Variants in GABRA2 observed in about 807,000 individuals in gnomAD.
GABRA2 encodes the protein gamma-aminobutyric acid receptor subunit alpha-2.
GABRA2 carries 16 observed loss-of-function variants against 48.7 expected under a neutral mutation model. The ratio of observed to expected loss-of-function variants is 0.33; its 90% confidence interval spans 0.22 to 0.50. The LOEUF (loss-of-function observed/expected upper bound fraction) is 0.50, where lower values mean the gene tolerates loss of function less well. Ranked by LOEUF, GABRA2 falls within the 20% of genes least tolerant of loss-of-function variation. GABRA2 has a pLI of 0.98. For missense variants in GABRA2, 275 were observed against 535.6 expected (o/e 0.51, Z 4.80); for synonymous variants, 185 against 184.5 (o/e 1.00, Z -0.02).
intron 8 of GABRA2, among the ~76,000 whole-genome samples, chr4:46,265,046 T>C (rs1276966034): frequency 8.2e-6 from 1 of 122,592 alleles, no homozygotes; most frequent in African/African-American, 2.9e-5. Context: ...GAGAGAGAGA[T>C]TGAGAGAGTC....
intron 3 of GABRA2, among the ~76,000 whole-genome samples, chr4:46,346,882 T>C (rs922592876): frequency 1.3e-5 from 2 of 151,816 alleles, no homozygotes; most frequent in African/African-American, 4.8e-5. Context: ...TAGAATGCCA[T>C]AAATAATCCA....
chr4:46,369,835 A>C (rs1338668538), intron 3 of GABRA2, among the ~76,000 whole-genome samples: 1 of 152,108 alleles, frequency 6.6e-6, no homozygotes, highest in Non-Finnish European at 1.5e-5. Context: ...GTTCCAAAGG[A>C]AATGTGTGTA....
Position 46,271,313 on chromosome 4 carries a change from G to T in GABRA2, c.857-9185C>A, listed in dbSNP as rs1320977505. Among the ~76,000 whole-genome samples the T allele has an allele frequency of 3.3e-5, 5 of 151,910 alleles. No individual in the cohort carries two copies. In the East Asian group the frequency reaches 9.7e-4, roughly 30 times the overall value. On this transcript the variant is annotated intron_variant, in intron 8 of 9. Transcript: ENST00000381620. ...AATTGAAAGGACAGAATATAACAAA[G>T]GTATGCACAAGACCAGGTTGTATAT...
Position 46,249,810 on chromosome 4 carries a change from T to G in GABRA2, c.*498A>C, listed in dbSNP as rs1714373192. On this transcript the variant is annotated 3_prime_UTR_variant, in exon 10 of 10. Coordinates refer to ENST00000381620, the MANE Select transcript of GABRA2 (RefSeq NM_000807.4). The stretch of plus-strand genomic sequence containing the variant: ...TTTCAAATCTCTAGTTTTTCTTATG[T>G]GTACCAAGCTTCCAATTACATTAGC... 1 of 153,692 alleles carries G rather than the reference T, an allele frequency of 6.5e-6. No homozygotes were observed. Among genetic ancestry groups the G allele is most frequent in the Non-Finnish European group, 1.4e-5 (1 of 69,250 alleles). The allele number at this position is 153,692 out of a possible 1,614,324, so 9.5% of individuals were successfully genotyped here.
chr4:46,361,563 A>T (rs1025211082), intron 3 of GABRA2, among the ~76,000 whole-genome samples: 2 of 152,232 alleles, frequency 1.3e-5, no homozygotes, highest in Non-Finnish European at 2.9e-5. Context: ...AACAATGAGG[A>T]AGGGAAATGT....
chr4:46,295,899 T>C lies in GABRA2; in HGVS notation c.856+7561A>G, dbSNP rs149796577. Among the ~76,000 whole-genome samples, 497 of 152,286 alleles carry C rather than the reference T, an allele frequency of 3.3e-3. 1 individual carries two copies. Among genetic ancestry groups the C allele is most frequent in the African/African-American group, 0.011 (448 of 41,562 alleles). On this transcript the variant is annotated intron_variant, in intron 8 of 9. Coordinates refer to ENST00000381620, the MANE Select transcript of GABRA2 (RefSeq NM_000807.4). ...ATCTATGGACTCATAGAATGCCTTA[T>C]CCACCATTATGGTATTCCACACAGC...
At chr4:46,389,102 G>A (rs2109392792) in intron 1 of GABRA2, 2 of 1,007,964 alleles carry the variant, frequency 2.0e-6, no homozygotes. Flanking sequence ...GGTTGGAGGG[G>A]AGGGGAGGAA....
intron 8 of GABRA2, among the ~76,000 whole-genome samples, chr4:46,283,310 ATATGAG>A (rs907918738): frequency 1.3e-5 from 2 of 152,180 alleles, no homozygotes; most frequent in African/African-American, 4.8e-5. Context: ...CTTTCCTGTA[ATATGAG>A]TATAATGACT....
chr4:46,261,678 G>A, intron 9 of GABRA2: 2 of 579,342 alleles, frequency 3.5e-6, no homozygotes, highest in Admixed American at 3.0e-5. Flanking sequence ...GAGAGCATAT[G>A]TAAAACACTT....
chr4:46,352,197 C>T (rs1735246681), intron 3 of GABRA2, among the ~76,000 whole-genome samples: 1 of 151,926 alleles, frequency 6.6e-6, no homozygotes, highest in African/African-American at 2.4e-5. Context: ...CTTTGCACTT[C>T]TTGTAATGAA....
intron 3 of GABRA2, among the ~76,000 whole-genome samples, chr4:46,355,912 T>A (rs562463091): frequency 6.6e-6 from 1 of 152,264 alleles, no homozygotes; most frequent in East Asian, 1.9e-4. Context: ...AAACAAAATG[T>A]AGTCAAAACA....
rs1560492615 is a variant in GABRA2, at chr4:46,296,679, A to AAAC, written c.856+6780_856+6781insGTT. 5.9e-5 allele frequency among the ~76,000 whole-genome samples: 9 copies of AAAC among 151,328 alleles called. No homozygotes were observed. The South Asian group carries it at 1.9e-3, about 32-fold the overall frequency. On this transcript the variant is annotated intron_variant, in intron 8 of 9. Transcript: ENST00000381620. ...GGGAAAAAAAAAAAGAAAAAAAAAA[A>AAAC]CCTGCTGAGGTGCTTGCTGAAGGCA...
chr4:46,317,534 G>A (rs1728744735), intron 4 of GABRA2, among the ~76,000 whole-genome samples: 1 of 151,762 alleles, frequency 6.6e-6, no homozygotes, highest in African/African-American at 2.4e-5. Context: ...ATGGGGTAGT[G>A]AATGCATTTG....
intron 3 of GABRA2, among the ~76,000 whole-genome samples, chr4:46,344,700 A>G (rs553922965): frequency 4.0e-5 from 6 of 151,852 alleles, no homozygotes; most frequent in Non-Finnish European, 8.8e-5. Context: ...GGCAACTACT[A>G]CACAGAAGGA....
rs901706506 is a variant in GABRA2, at chr4:46,244,622, G to C, written c.*5686C>G. Among the ~76,000 whole-genome samples, 85 of 151,506 alleles carry C rather than the reference G, an allele frequency of 5.6e-4. No individual in the cohort carries two copies. Among genetic ancestry groups the C allele is most frequent in the African/African-American group, 2.0e-3 (81 of 41,468 alleles). Reference sequence around the variant, plus strand: ...TCCTTGAAGCCCAATGGGATTAAATGTTATGAAACGAACAATATGACAAAT... The same window carrying C: ...TCCTTGAAGCCCAATGGGATTAAATCTTATGAAACGAACAATATGACAAAT... On this transcript the variant is annotated 3_prime_UTR_variant, in exon 10 of 10. Coordinates refer to ENST00000381620, the MANE Select transcript of GABRA2 (RefSeq NM_000807.4).
intron 8 of GABRA2, among the ~76,000 whole-genome samples, chr4:46,273,502 CATATATATATATAT>C (rs71637683): frequency 5.3e-3 from 256 of 48,132 alleles, no homozygotes; most frequent in Admixed American, 7.6e-3. Flanking sequence ...TATATATATG[CATATATATATATAT>C]ATATATATAT....
At chr4:46,317,167 T>A (rs769107650) in intron 4 of GABRA2, among the ~76,000 whole-genome samples, 1 of 151,770 alleles carries the variant, frequency 6.6e-6, no homozygotes, top group Non-Finnish European at 1.5e-5. Flanking sequence ...GAGTTTGAGG[T>A]CATCTGAAAT....
At position 46,347,515 on chromosome 4, in the gene GABRA2, A is replaced by G. The variant is rs145792631; in HGVS notation, c.188-14833T>C. On this transcript the variant is annotated intron_variant, in intron 3 of 9. Transcript: ENST00000381620. ...GGAAAGGACAGACTCCTCCATAAAT[A>G]ATGTTGGAAAAACTGTCTATCCACA... 2.3e-3 allele frequency among the ~76,000 whole-genome samples: 357 copies of G among 152,082 alleles called. 4 individuals carry two copies. The highest frequency in any genetic ancestry group is 8.4e-3 in the African/African-American group (350 of 41,554).
intron 4 of GABRA2, among the ~76,000 whole-genome samples, chr4:46,320,139 C>T (rs1384756806): frequency 1.3e-5 from 2 of 151,736 alleles, no homozygotes; most frequent in Non-Finnish European, 2.9e-5. Flanking sequence ...TGAGAAGTTA[C>T]AGGAAGAACT....
Sources: gnomAD v4.1 joint callset for allele counts (sites outside exome capture counted in the v4.1 genomes callset) on GRCh38, gnomAD v4.1.1 for gene constraint, MANE v1.5 for transcripts, NCBI Gene and HGNC (gene_info 2026-07-23, HGNC 2026-07-21) for gene names.